The following CYP7B1 variants were observed in gnomAD, a reference collection of about 807,000 sequenced individuals.
The protein encoded by CYP7B1 is cytochrome P450 7B1.
In CYP7B1, 29 loss-of-function variants were observed where a neutral mutation model predicts 42.7. The observed-to-expected ratio is 0.68, with a 90% CI of 0.51 to 0.93. The LOEUF (loss-of-function observed/expected upper bound fraction) is 0.93, where lower values mean the gene tolerates loss of function less well. CYP7B1 is among the 40% of genes least tolerant of loss of function. The probability of loss-of-function intolerance (pLI) is 0.00; values close to 1 mark genes in which losing one functional copy is unlikely to be tolerated. For missense variants in CYP7B1, 655 were observed against 600.5 expected (o/e 1.09, Z -0.95); for synonymous variants, 235 against 218.2 (o/e 1.08, Z -0.68).
chr8:64,776,942 T>C (rs908297094), intron 1 of CYP7B1, among the ~76,000 whole-genome samples: 32 of 152,130 alleles, frequency 2.1e-4, no homozygotes, highest in African/African-American at 7.7e-4. Context: ...TTGTCTACTC[T>C]TCATCAAACT....
chr8:64,652,407 T>C (rs993534200), intron 1 of CYP7B1, among the ~76,000 whole-genome samples: 5 of 152,254 alleles, frequency 3.3e-5, no homozygotes, highest in Middle Eastern at 3.4e-3. Flanking sequence ...CACTCTAAAA[T>C]TGACCACATA....
chr8:64,772,782 G>T (rs757057280), intron 1 of CYP7B1, among the ~76,000 whole-genome samples: 94 of 152,068 alleles, frequency 6.2e-4, no homozygotes, highest in Non-Finnish European at 1.2e-3. Flanking sequence ...GCCTCACAAT[G>T]GTCTGATTTT....
intron 5 of CYP7B1, among the ~76,000 whole-genome samples, chr8:64,598,603 A>T (rs769996861): frequency 6.6e-6 from 1 of 152,194 alleles, no homozygotes; most frequent in Non-Finnish European, 1.5e-5. Context: ...TGATATCATA[A>T]ATAAGCCAGA....
chr8:64,723,553 T>G (rs747831292), intron 1 of CYP7B1, among the ~76,000 whole-genome samples: 1 of 152,234 alleles, frequency 6.6e-6, no homozygotes, highest in Non-Finnish European at 1.5e-5. Flanking sequence ...CAGTCAAGAT[T>G]TGTAAAAGTC....
intron 1 of CYP7B1, among the ~76,000 whole-genome samples, chr8:64,649,250 C>A (rs1259905189): frequency 6.6e-6 from 1 of 152,170 alleles, no homozygotes; most frequent in Non-Finnish European, 1.5e-5. Flanking sequence ...TACCTTTTTA[C>A]CTTCTGTTTC....
chr8:64,741,858 T>C (rs944298868), intron 1 of CYP7B1, among the ~76,000 whole-genome samples: 1 of 152,174 alleles, frequency 6.6e-6, no homozygotes, highest in Non-Finnish European at 1.5e-5. Context: ...AAGATATAAA[T>C]ATATGGTAGA....
At chr8:64,703,813 T>A (rs1434642694) in intron 1 of CYP7B1, 2 of 152,080 alleles carry the variant, frequency 1.3e-5, no homozygotes, top group Non-Finnish European at 2.9e-5. Flanking sequence ...GATTGTCCAA[T>A]GTCACATTTT....
chr8:64,736,570 C>T (rs994097623), intron 1 of CYP7B1, among the ~76,000 whole-genome samples: 10 of 152,164 alleles, frequency 6.6e-5, no homozygotes, highest in African/African-American at 2.2e-4. Flanking sequence ...CCTGCCTTAG[C>T]CTCCCAAGTA....
intron 1 of CYP7B1, among the ~76,000 whole-genome samples, chr8:64,767,640 G>A (rs1460122600): frequency 6.6e-6 from 1 of 152,204 alleles, no homozygotes; most frequent in Non-Finnish European, 1.5e-5. Context: ...AAATCATTAT[G>A]TACTGGACAA....
In CYP7B1 at chr8:64,591,150, A is replaced by G. The variant is rs910815073; in HGVS notation, c.*5492T>C. ...TTAAATTTATTTTACTCTAGCAAGT[A>G]GTATAAACAAAATAAACATTTAAGC... On this transcript the variant is annotated 3_prime_UTR_variant, in exon 6 of 6. Transcript: ENST00000310193. 6.6e-6 allele frequency among the ~76,000 whole-genome samples: 1 copy of G among 152,180 alleles called. No homozygotes were observed. The highest frequency in any genetic ancestry group is 1.5e-5 in the Non-Finnish European group (1 of 67,996).
chr8:64,626,819 G>A (rs60347741), intron 1 of CYP7B1, among the ~76,000 whole-genome samples: 13,289 of 152,242 alleles, frequency 0.087, 875 homozygotes, highest in African/African-American at 0.17. Flanking sequence ...CTGTGAAGAC[G>A]ACTTGTGCTA....
intron 1 of CYP7B1, among the ~76,000 whole-genome samples, chr8:64,787,187 A>C (rs1325102001): frequency 6.6e-6 from 1 of 152,196 alleles, no homozygotes; most frequent in Non-Finnish European, 1.5e-5. Flanking sequence ...ATTAACATTC[A>C]GCTCCTCCTT....
At chr8:64,780,534 T>A (rs895982545) in intron 1 of CYP7B1, among the ~76,000 whole-genome samples, 11 of 151,986 alleles carry the variant, frequency 7.2e-5, no homozygotes, top group African/African-American at 2.4e-4. Context: ...AAAAAAAAGA[T>A]CCCATCCCAA....
At chr8:64,656,183 G>A (rs1033572295) in intron 1 of CYP7B1, among the ~76,000 whole-genome samples, 1 of 151,968 alleles carries the variant, frequency 6.6e-6, no homozygotes, top group African/African-American at 2.4e-5. Context: ...AAAAAGACTC[G>A]TTTCTTTTAA....
intron 4 of CYP7B1, among the ~76,000 whole-genome samples, chr8:64,605,157 T>C (rs1805261404): frequency 6.6e-6 from 1 of 152,172 alleles, no homozygotes; most frequent in Non-Finnish European, 1.5e-5. Context: ...AGGAATGTTG[T>C]GTTATGGGTA....
intron 1 of CYP7B1, among the ~76,000 whole-genome samples, chr8:64,766,880 G>A (rs1431837049): frequency 3.3e-5 from 5 of 152,104 alleles, no homozygotes; most frequent in Non-Finnish European, 7.4e-5. Flanking sequence ...GAGGTAAACT[G>A]TCTCCTGGAC....
rs921671955 is a variant in CYP7B1, at chr8:64,594,252, C to T, written c.*2390G>A. 6.6e-6 allele frequency among the ~76,000 whole-genome samples: 1 copy of T among 152,072 alleles called. No individual in the cohort carries two copies. The highest frequency in any genetic ancestry group is 2.4e-5 in the African/African-American group (1 of 41,396). On this transcript the variant is annotated 3_prime_UTR_variant, in exon 6 of 6. Transcript: ENST00000310193. ...TGTCCCACAATAACTGTCCTGCTGACAGTGTCCATCACTGGGTAACTAGAT... is the reference window on the plus strand; with the variant it reads ...TGTCCCACAATAACTGTCCTGCTGATAGTGTCCATCACTGGGTAACTAGAT...
intron 3 of CYP7B1, 80 bp downstream of exon 3, chr8:64,615,611 G>A: frequency 7.2e-7 from 1 of 1,391,682 alleles, no homozygotes; most frequent in Non-Finnish European, 1.0e-6. Context: ...AATTTTCAAG[G>A]TCGCCATTTT....
At chr8:64,608,722 G>T (rs1472852115) in intron 4 of CYP7B1, among the ~76,000 whole-genome samples, 1 of 152,190 alleles carries the variant, frequency 6.6e-6, no homozygotes, top group African/African-American at 2.4e-5. Flanking sequence ...CTCATGATGT[G>T]TGCATGTGTA....
Sources: allele counts gnomAD v4.1 joint callset (sites outside exome capture counted in the v4.1 genomes callset), GRCh38; gene constraint gnomAD v4.1.1; transcripts MANE v1.5; gene names NCBI Gene and HGNC (gene_info 2026-07-23, HGNC 2026-07-21).